Variants in CCSER1 observed in about 807,000 individuals in gnomAD.
CCSER1 encodes serine-rich coiled-coil domain-containing protein 1.
A neutral mutation model predicts 82.0 loss-of-function variants in CCSER1; 41 were observed. The ratio of observed to expected loss-of-function variants is 0.50; its 90% CI spans 0.39 to 0.65. The LOEUF (loss-of-function observed/expected upper bound fraction) is 0.65. Among genes scored for constraint, CCSER1 ranks in the 30% least tolerant of loss-of-function variants. The probability of loss-of-function intolerance (pLI) is 0.00; values close to 1 mark genes in which losing one functional copy is unlikely to be tolerated. For synonymous variants in CCSER1, 414 were observed against 383.9 expected, an observed-to-expected ratio of 1.08 and a Z score of -0.92; for missense variants, 1,119 against 1,064.2, an observed-to-expected ratio of 1.05 and a Z score of -0.72.
chr4:91,084,596 T>G (rs563467879), intron 9 of CCSER1, among the ~76,000 whole-genome samples: 1 of 152,166 alleles, frequency 6.6e-6, no homozygotes, highest in Non-Finnish European at 1.5e-5. Context: ...AGAATTTACT[T>G]TTAGCATAAG....
intron 6 of CCSER1, among the ~76,000 whole-genome samples, chr4:90,636,932 T>G (rs1725522484): frequency 1.3e-5 from 2 of 152,130 alleles, no homozygotes; most frequent in South Asian, 4.1e-4. Flanking sequence ...CTAAGAAATC[T>G]ACAAAAAAGT....
chr4:90,615,288 C>T (rs1041640528), intron 5 of CCSER1, among the ~76,000 whole-genome samples: 1 of 152,102 alleles, frequency 6.6e-6, no homozygotes, highest in African/African-American at 2.4e-5. Flanking sequence ...GCTCATGGAT[C>T]GTTGAGGAAT....
chr4:90,825,996 T>A (rs964821693), intron 8 of CCSER1, among the ~76,000 whole-genome samples: 2 of 152,144 alleles, frequency 1.3e-5, no homozygotes, highest in Non-Finnish European at 2.9e-5. Flanking sequence ...AGCACAACAA[T>A]TGTTTTTTAT....
chr4:91,437,946 C>T (rs1364525102), intron 10 of CCSER1, among the ~76,000 whole-genome samples: 1 of 152,180 alleles, frequency 6.6e-6, no homozygotes, highest in Non-Finnish European at 1.5e-5. Flanking sequence ...CCGCCATTGC[C>T]CAGGCTTGCT....
intron 10 of CCSER1, among the ~76,000 whole-genome samples, chr4:91,593,542 G>A (rs1454719580): frequency 8.6e-6 from 1 of 116,718 alleles, no homozygotes. Flanking sequence ...TTGATCTCTT[G>A]ACCTCGTGAT....
chr4:91,142,966 T>C (rs1177869859), intron 10 of CCSER1, among the ~76,000 whole-genome samples: 1 of 12,556 alleles, frequency 8.0e-5, no homozygotes, highest in Admixed American at 6.5e-4. Context: ...ATTTGAACTC[T>C]TTTTTGGTTC....
At chr4:90,768,581 A>C (rs1751612434) in intron 7 of CCSER1, among the ~76,000 whole-genome samples, 1 of 152,222 alleles carries the variant, frequency 6.6e-6, no homozygotes, top group Non-Finnish European at 1.5e-5. Flanking sequence ...GAAAGTGGAA[A>C]GTGCCTTGAC....
At chr4:90,853,612 CT>C (rs74722455) in intron 8 of CCSER1, among the ~76,000 whole-genome samples, 27,506 of 152,002 alleles carry the variant, frequency 0.18, 2,770 homozygotes, top group South Asian at 0.27. Flanking sequence ...TAAGCCAATA[CT>C]TTTAAAGACC....
At chr4:91,009,183 A>G (rs10433958) in intron 9 of CCSER1, among the ~76,000 whole-genome samples, 50,216 of 152,016 alleles carry the variant, frequency 0.33, 9,294 homozygotes, top group East Asian at 0.43. Context: ...CAGCCTTAAC[A>G]AACACAGAGC....
At chr4:90,463,054 T>A (rs976478164) in intron 4 of CCSER1, among the ~76,000 whole-genome samples, 5 of 152,190 alleles carry the variant, frequency 3.3e-5, no homozygotes, top group Admixed American at 2.6e-4. Flanking sequence ...GATTATTTTT[T>A]AAGAAGTTTT....
intron 10 of CCSER1, among the ~76,000 whole-genome samples, chr4:91,560,132 GA>G (rs1216756776): frequency 4.0e-5 from 6 of 150,678 alleles, no homozygotes; most frequent in African/African-American, 1.2e-4. Flanking sequence ...TTGCTTTATT[GA>G]AAAAAAAGTC....
intron 10 of CCSER1, among the ~76,000 whole-genome samples, chr4:91,200,361 A>G (rs1156541397): frequency 1.3e-5 from 2 of 152,110 alleles, no homozygotes; most frequent in Non-Finnish European, 2.9e-5. Context: ...TTCTACAGAA[A>G]CAATTCAGAA....
chr4:91,284,435 G>A lies in CCSER1; in HGVS notation c.2217+198441G>A, dbSNP rs116527012. On this transcript the variant is annotated intron_variant, in intron 10 of 10. Coordinates refer to ENST00000509176, the MANE Select transcript of CCSER1 (RefSeq NM_001145065.2). Reference sequence around the variant, plus strand: ...TAGAAAGCCCAGAGTTTACAACCTTGCTCAGCTGTGTTATAAATATATGCA... The same window carrying A: ...TAGAAAGCCCAGAGTTTACAACCTTACTCAGCTGTGTTATAAATATATGCA... 7.5e-3 allele frequency among the ~76,000 whole-genome samples: 1,140 copies of A among 152,104 alleles called. 12 individuals carry two copies. Among genetic ancestry groups the A allele is most frequent in the African/African-American group, 0.026 (1,070 of 41,520 alleles).
intron 1 of CCSER1, among the ~76,000 whole-genome samples, chr4:90,307,623 A>G (rs1734545522): frequency 6.6e-6 from 1 of 151,832 alleles, no homozygotes; most frequent in Non-Finnish European, 1.5e-5. Flanking sequence ...CATTGTCCAC[A>G]TGTACCTTAG....
intron 10 of CCSER1, among the ~76,000 whole-genome samples, chr4:91,322,098 A>T (rs1258578275): frequency 6.6e-6 from 1 of 152,130 alleles, no homozygotes; most frequent in Non-Finnish European, 1.5e-5. Context: ...AAACAGAAAC[A>T]TTTATAGGAA....
At chr4:90,661,303 C>G (rs893361941) in intron 6 of CCSER1, among the ~76,000 whole-genome samples, 1 of 152,056 alleles carries the variant, frequency 6.6e-6, no homozygotes, top group African/African-American at 2.4e-5. Context: ...AAATTATGAC[C>G]TTTATTCGTT....
At chr4:90,500,952 A>T (rs754511522) in intron 5 of CCSER1, among the ~76,000 whole-genome samples, 1 of 152,054 alleles carries the variant, frequency 6.6e-6, no homozygotes, top group African/African-American at 2.4e-5. Context: ...CAAACAAAAA[A>T]TAAGATTGTT....
chr4:90,579,851 T>C (rs556937793), intron 5 of CCSER1, among the ~76,000 whole-genome samples: 1 of 149,240 alleles, frequency 6.7e-6, no homozygotes, highest in Non-Finnish European at 1.5e-5. Flanking sequence ...AGTAATTTCA[T>C]TCATAGCTGA....
At chr4:91,096,282 T>C (rs1186821842) in intron 10 of CCSER1, among the ~76,000 whole-genome samples, 2 of 152,128 alleles carry the variant, frequency 1.3e-5, no homozygotes, top group Admixed American at 1.3e-4. Flanking sequence ...CTAGGGGCTG[T>C]GGGCTCAGGA....
Sources: gnomAD v4.1 joint callset for allele counts (sites outside exome capture counted in the v4.1 genomes callset) on GRCh38, gnomAD v4.1.1 for gene constraint, MANE v1.5 for transcripts, NCBI Gene and HGNC (gene_info 2026-07-23, HGNC 2026-07-21) for gene names.